Variants in CSNK1G1 observed in about 807,000 individuals in gnomAD.
CSNK1G1 encodes the protein casein kinase 1 gamma 1.
CSNK1G1 carries 22 observed loss-of-function variants against 59.6 expected under a neutral mutation model. The ratio of observed to expected loss-of-function variants is 0.37; its 90% CI spans 0.26 to 0.53. The LOEUF (loss-of-function observed/expected upper bound fraction) is 0.53. CSNK1G1 is among the 20% of genes least tolerant of loss of function. The pLI is 0.89. For missense variants in CSNK1G1, 384 were observed against 519.5 expected (o/e 0.74, Z 2.54); for synonymous variants, 179 against 177.1 (o/e 1.01, Z -0.08).
chr15:64,283,094 A>G (rs1566932930), intron 2 of CSNK1G1, among the ~76,000 whole-genome samples: 1 of 152,168 alleles, frequency 6.6e-6, no homozygotes, highest in Non-Finnish European at 1.5e-5. Context: ...CCAAAATCTC[A>G]GAAATCACCA....
rs754146616 is a variant in CSNK1G1 at position 64,216,598 on chromosome 15, A to T, written c.408T>A (p.Phe136Leu). ...CTATCATTAACACCGTCTTCAAAGT[A>T]AATGTTCGGTCACAGAGGTCAAACA... ...EDLFDLCDRTFTLKTVLMIAI... is the reference protein window; with the variant it reads ...EDLFDLCDRTLTLKTVLMIAI... Residue 136 changes from phenylalanine to leucine, a missense_variant, in exon 5 of 12, where the codon TTT (phenylalanine) becomes TTA (leucine). Phe to Leu is a conservative substitution (Grantham distance 22). Coordinates refer to ENST00000303052, the MANE Select transcript of CSNK1G1 (RefSeq NM_022048.5). The surrounding 1 kb of genome is among the most constrained non-coding windows in gnomAD (Gnocchi z 4.6). 6.2e-7 allele frequency: 1 copy of T among 1,613,936 alleles called. No homozygotes were observed. Among genetic ancestry groups the T allele is most frequent in the African/African-American group, 1.3e-5 (1 of 75,032 alleles).
At chr15:64,267,256 CAAAAAAA>C (rs199581105) in intron 2 of CSNK1G1, among the ~76,000 whole-genome samples, 1 of 61,850 alleles carries the variant, frequency 1.6e-5, no homozygotes, top group Non-Finnish European at 3.7e-5. Context: ...GACCTTATCT[CAAAAAAA>C]AAAAAAAAAA....
chr15:64,351,342 C>G (rs974570342), intron 1 of CSNK1G1, among the ~76,000 whole-genome samples: 3 of 152,132 alleles, frequency 2.0e-5, no homozygotes, highest in Admixed American at 6.6e-5. Flanking sequence ...TATAAACCTT[C>G]CCAATCTTTC....
chr15:64,294,096 G>A (rs1258093292), intron 2 of CSNK1G1, among the ~76,000 whole-genome samples: 3 of 151,978 alleles, frequency 2.0e-5, no homozygotes, highest in Admixed American at 1.3e-4. Context: ...TTTTTGAGAC[G>A]GAGTCTCACT....
intron 10 of CSNK1G1, among the ~76,000 whole-genome samples, chr15:64,191,319 CAA>C (rs1277362463): frequency 6.6e-6 from 1 of 152,138 alleles, no homozygotes; most frequent in East Asian, 1.9e-4. Context: ...CTCGGCCTCC[CAA>C]AGTGCTAAGA....
At chr15:64,305,431 A>G (rs1471932324) in intron 1 of CSNK1G1, among the ~76,000 whole-genome samples, 2 of 152,022 alleles carry the variant, frequency 1.3e-5, no homozygotes, top group East Asian at 1.9e-4. Flanking sequence ...AAACAAAACA[A>G]AAGGCCAGGT....
chr15:64,320,906 C>T (rs1011816378), intron 1 of CSNK1G1, among the ~76,000 whole-genome samples: 1 of 151,940 alleles, frequency 6.6e-6, no homozygotes, highest in Non-Finnish European at 1.5e-5. Flanking sequence ...AAATCTTTAG[C>T]GTAAGTGATC....
chr15:64,315,313 A>C (rs1412180236), intron 1 of CSNK1G1, among the ~76,000 whole-genome samples: 1 of 152,228 alleles, frequency 6.6e-6, no homozygotes, highest in Non-Finnish European at 1.5e-5. Context: ...TGGTGAAAGA[A>C]GACCAGCAAC....
chr15:64,231,591 C>T (rs1010795526), intron 4 of CSNK1G1, among the ~76,000 whole-genome samples: 2 of 151,706 alleles, frequency 1.3e-5, no homozygotes, highest in African/African-American at 4.8e-5. Flanking sequence ...AGAGACATAG[C>T]AGCCTCTGGG....
intron 2 of CSNK1G1, among the ~76,000 whole-genome samples, chr15:64,285,269 C>T (rs150319044): frequency 2.8e-4 from 43 of 152,020 alleles, no homozygotes; most frequent in African/African-American, 9.9e-4. Flanking sequence ...ATAAAAAAGC[C>T]GAATCCCAAA....
intron 1 of CSNK1G1, among the ~76,000 whole-genome samples, chr15:64,324,766 C>T (rs893916046): frequency 1.3e-5 from 2 of 152,156 alleles, no homozygotes; most frequent in African/African-American, 4.8e-5. Flanking sequence ...GACTAATACA[C>T]CCTAGGACCA....
At chr15:64,227,813 C>A (rs536525260) in intron 4 of CSNK1G1, among the ~76,000 whole-genome samples, 9 of 152,192 alleles carry the variant, frequency 5.9e-5, no homozygotes, top group African/African-American at 9.6e-5. Flanking sequence ...CCAAATAATA[C>A]AACCAAATCT....
chr15:64,276,659 G>C (rs1178995160), intron 2 of CSNK1G1, among the ~76,000 whole-genome samples: 1 of 152,038 alleles, frequency 6.6e-6, no homozygotes, highest in East Asian at 1.9e-4. Context: ...AAATAAAAGA[G>C]TTGAGGCTGG....
intron 6 of CSNK1G1, among the ~76,000 whole-genome samples, chr15:64,213,241 GT>G (rs1252892794): frequency 2.6e-5 from 4 of 152,020 alleles, no homozygotes; most frequent in African/African-American, 7.3e-5. Flanking sequence ...CTTTTTTGAA[GT>G]GGATAAGCCT....
At chr15:64,201,907 T>A (rs2082115067) in intron 10 of CSNK1G1, among the ~76,000 whole-genome samples, 2 of 152,190 alleles carry the variant, frequency 1.3e-5, no homozygotes, top group Admixed American at 1.3e-4. Flanking sequence ...AAATATGTAA[T>A]CTGTTTATTA....
chr15:64,246,574 G>A (rs1396655580), intron 4 of CSNK1G1, among the ~76,000 whole-genome samples: 1 of 134,142 alleles, frequency 7.5e-6, no homozygotes, highest in Non-Finnish European at 1.6e-5. Flanking sequence ...AGCAAGCTAC[G>A]ATTGCACCAC....
rs189545488 is a variant in CSNK1G1, at chr15:64,303,563, C to T, written c.-224-2840G>A. Among the ~76,000 whole-genome samples, 223 of 151,854 alleles carry T rather than the reference C, an allele frequency of 1.5e-3. 1 individual carries two copies. Among genetic ancestry groups the T allele is most frequent in the African/African-American group, 5.2e-3 (217 of 41,452 alleles). ...GGTCAGGAGTTCAAGACCAGCCTGG[C>T]CAATATGACGAAACCCCATCTCTAC... On this transcript the variant is annotated intron_variant, in intron 1 of 11. Transcript: ENST00000303052.
chr15:64,240,064 T>G (rs1170631488), intron 4 of CSNK1G1, among the ~76,000 whole-genome samples: 1 of 152,084 alleles, frequency 6.6e-6, no homozygotes, highest in Non-Finnish European at 1.5e-5. Flanking sequence ...TAAAACCTTG[T>G]CTCTACTAAA....
intron 2 of CSNK1G1, among the ~76,000 whole-genome samples, chr15:64,275,330 G>T (rs777195074): frequency 5.3e-5 from 8 of 152,068 alleles, no homozygotes; most frequent in African/African-American, 1.9e-4. Flanking sequence ...CATCTTGCCC[G>T]GCCCAAAGAG....
Sources: allele counts gnomAD v4.1 joint callset (sites outside exome capture counted in the v4.1 genomes callset), GRCh38; gene constraint gnomAD v4.1.1; non-coding constraint Gnocchi (gnomAD v3.1); transcripts MANE v1.5; gene names NCBI Gene and HGNC (gene_info 2026-07-23, HGNC 2026-07-21).